PPP1R21: variants seen among roughly 807,000 people sequenced by gnomAD.
PPP1R21 encodes the protein protein phosphatase 1 regulatory subunit 21.
PPP1R21 carries 85 observed loss-of-function variants against 112.8 expected under a neutral mutation model. The ratio of observed to expected loss-of-function variants is 0.75; its 90% CI spans 0.63 to 0.90. The LOEUF is 0.90. Among genes scored for constraint, PPP1R21 ranks in the 40% least tolerant of loss-of-function variants. The probability of loss-of-function intolerance (pLI) is 0.00; values close to 1 mark genes in which losing one functional copy is unlikely to be tolerated. For missense variants in PPP1R21, 1,199 were observed against 901.5 expected, an observed-to-expected ratio of 1.33 and a Z score of -4.23; for synonymous variants, 381 against 322.3, an observed-to-expected ratio of 1.18 and a Z score of -1.95.
chr2:48,455,265 A>G (rs1038190164), intron 3 of PPP1R21, among the ~76,000 whole-genome samples: 21 of 146,396 alleles, frequency 1.4e-4, no homozygotes, highest in African/African-American at 3.8e-4. Context: ...TCCTGCCTCA[A>G]CCTCCCACGT....
At chr2:48,464,554 CAG>C (rs1668116060) in intron 7 of PPP1R21, among the ~76,000 whole-genome samples, 1 of 152,168 alleles carries the variant, frequency 6.6e-6, no homozygotes, top group Non-Finnish European at 1.5e-5. Flanking sequence ...GTCAGGAAAA[CAG>C]TGGTATTTTT....
At chr2:48,481,225 G>T (rs751964210) in intron 13 of PPP1R21, among the ~76,000 whole-genome samples, 6 of 152,190 alleles carry the variant, frequency 3.9e-5, no homozygotes, top group African/African-American at 1.4e-4. Context: ...CTGACATCAG[G>T]TGACCCACCT....
At chr2:48,442,475 A>C (rs1354243957) in intron 1 of PPP1R21, among the ~76,000 whole-genome samples, 2 of 152,104 alleles carry the variant, frequency 1.3e-5, no homozygotes, top group Non-Finnish European at 2.9e-5. Context: ...AAAAACTGAA[A>C]AGTTTTTGGA....
chr2:48,493,454 A>G (rs1669663169), intron 15 of PPP1R21, among the ~76,000 whole-genome samples: 1 of 152,198 alleles, frequency 6.6e-6, no homozygotes, highest in Non-Finnish European at 1.5e-5. Context: ...TGTATCATCA[A>G]ATAGGTCTTT....
chr2:48,462,860 C>T (rs956631593), intron 7 of PPP1R21, among the ~76,000 whole-genome samples: 4 of 152,012 alleles, frequency 2.6e-5, no homozygotes, highest in South Asian at 2.1e-4. Flanking sequence ...ATAGTTTTGG[C>T]GTACTATTGT....
chr2:48,461,366 A>C, intron 7 of PPP1R21, 134 bp downstream of exon 7: 1 of 1,285,358 alleles, frequency 7.8e-7, no homozygotes, highest in Non-Finnish European at 1.0e-6. Flanking sequence ...CTCTTTGTTC[A>C]TTTGATCAGC....
At chr2:48,481,786 A>G (rs1669024871) in intron 13 of PPP1R21, among the ~76,000 whole-genome samples, 1 of 152,212 alleles carries the variant, frequency 6.6e-6, no homozygotes, top group Non-Finnish European at 1.5e-5. Context: ...TTAATACGGT[A>G]ATCTGAAATC....
intron 13 of PPP1R21, among the ~76,000 whole-genome samples, chr2:48,482,023 T>G (rs1318248464): frequency 3.3e-5 from 5 of 152,250 alleles, no homozygotes; most frequent in Non-Finnish European, 7.3e-5. Flanking sequence ...CCAAGATACC[T>G]TCTTATGTAT....
intron 14 of PPP1R21, among the ~76,000 whole-genome samples, chr2:48,489,679 C>G (rs1669468219): frequency 6.6e-6 from 1 of 151,726 alleles, no homozygotes; most frequent in Non-Finnish European, 1.5e-5. Context: ...TTGGGCTGGG[C>G]ACGGTAGCTC....
In PPP1R21 at chr2:48,446,245, A is replaced by G. The variant is rs548931507; in HGVS notation, c.58-4763A>G. ...CCAACAGTTTGTGATTGAAGGTAAT[A>G]AATCCCCAATCTTGGGCCATTTAGC... On this transcript the variant is annotated intron_variant, in intron 1 of 21. Coordinates refer to ENST00000294952, the MANE Select transcript of PPP1R21 (RefSeq NM_001135629.3). Among the ~76,000 whole-genome samples, 18 of 152,310 alleles carry G rather than the reference A, an allele frequency of 1.2e-4. No individual in the cohort carries two copies. The South Asian group carries it at 2.7e-3, about 23-fold the overall frequency.
rs112492778 is a variant in PPP1R21 at position 48,440,788 on chromosome 2, G to C, written c.-166G>C. 0.13 allele frequency: 81,453 copies of C among 622,684 alleles called. 6,433 individuals carry two copies. The highest frequency in any genetic ancestry group is 0.22 in the Admixed American group (7,624 of 33,954). The allele number at this position is 622,684 out of a possible 1,614,324, so 38.6% of individuals were successfully genotyped here. On this transcript the variant is annotated 5_prime_UTR_variant, in exon 1 of 22. Coordinates refer to ENST00000294952, the MANE Select transcript of PPP1R21 (RefSeq NM_001135629.3). ...CCCACTCCACCTTCCTCCCACCCCGGGAACCCGGAAGTGGAGGAGGAGGCG... is the reference window on the plus strand; with the variant it reads ...CCCACTCCACCTTCCTCCCACCCCGCGAACCCGGAAGTGGAGGAGGAGGCG...
intron 1 of PPP1R21, among the ~76,000 whole-genome samples, chr2:48,446,030 G>A (rs767899327): frequency 1.3e-5 from 2 of 152,142 alleles, no homozygotes; most frequent in African/African-American, 2.4e-5. Context: ...TCTTGCACAC[G>A]TCACTTTGTA....
intron 17 of PPP1R21, among the ~76,000 whole-genome samples, chr2:48,503,367 AT>A (rs1176338713): frequency 6.6e-6 from 1 of 152,204 alleles, no homozygotes; most frequent in African/African-American, 2.4e-5. Context: ...AAACTTACTG[AT>A]TTCATAGTAT....
chr2:48,455,656 C>G (rs1667688323), intron 3 of PPP1R21, among the ~76,000 whole-genome samples: 1 of 151,936 alleles, frequency 6.6e-6, no homozygotes, highest in Non-Finnish European at 1.5e-5. Context: ...TTGGTTATAC[C>G]AGGTTGCCAT....
At chr2:48,485,557 C>T (rs940751018) in intron 13 of PPP1R21, among the ~76,000 whole-genome samples, 8 of 151,744 alleles carry the variant, frequency 5.3e-5, no homozygotes, top group Admixed American at 2.0e-4. Context: ...AAATCAAAGA[C>T]GTATTTATTA....
chr2:48,498,803 A>C, intron 17 of PPP1R21, 68 bp downstream of exon 17: 3 of 1,487,510 alleles, frequency 2.0e-6, no homozygotes, highest in South Asian at 2.4e-5. Context: ...CTAATGTTCA[A>C]CATTAACCAT....
intron 2 of PPP1R21, among the ~76,000 whole-genome samples, chr2:48,452,328 T>C (rs191134228): frequency 3.9e-5 from 6 of 152,272 alleles, no homozygotes; most frequent in African/African-American, 1.4e-4. Context: ...CCAGGCATTG[T>C]GCTAAGTCCA....
intron 1 of PPP1R21, chr2:48,441,327 G>A (rs991585825): frequency 2.2e-6 from 1 of 444,518 alleles, no homozygotes; most frequent in Non-Finnish European, 4.2e-6. Context: ...GCTGAGAAGG[G>A]AAGGGAAAGG....
chr2:48,449,860 G>T (rs928959185), intron 1 of PPP1R21, among the ~76,000 whole-genome samples: 15 of 151,876 alleles, frequency 9.9e-5, no homozygotes, highest in Admixed American at 9.8e-4. Flanking sequence ...TGAGCCCTGG[G>T]AATATTAGTC....
Sources: allele counts gnomAD v4.1 joint callset (sites outside exome capture counted in the v4.1 genomes callset), GRCh38; gene constraint gnomAD v4.1.1; transcripts MANE v1.5; gene names NCBI Gene and HGNC (gene_info 2026-07-23, HGNC 2026-07-21).